NF1: variants seen among roughly 807,000 people sequenced by gnomAD.
NF1 encodes the protein neurofibromin 1.
In NF1, 122 loss-of-function variants were observed where a neutral mutation model predicts 325.7. That is an observed-to-expected ratio of 0.37 (90% CI 0.32 to 0.44). NF1 has a LOEUF of 0.44. Ranked by LOEUF, NF1 falls within the 20% of genes least tolerant of loss-of-function variation. The pLI is 1.00. For missense variants in NF1, 2,140 were observed against 3,415.4 expected (o/e 0.63, Z 9.31); for synonymous variants, 1,091 against 1,186.0 (o/e 0.92, Z 1.65).
intron 36 of NF1, among the ~76,000 whole-genome samples, chr17:31,316,980 A>G (rs567367085): frequency 1.3e-3 from 205 of 152,326 alleles, no homozygotes; most frequent in Non-Finnish European, 2.2e-3. Flanking sequence ...CAGTTGCATC[A>G]GAAGGAAGAC....
At position 31,235,629 on chromosome 17, in the gene NF1, C is replaced by T. The variant is rs750993436; in HGVS notation, c.3727C>T (p.Leu1243=). The change falls in exon 28 of 58, where the codon CTG becomes TTG. Residue 1243 remains leucine (L), a synonymous_variant. Coordinates refer to ENST00000358273, the MANE Select transcript of NF1 (RefSeq NM_001042492.3). ...CSQWDELARV[L]VTLFDSRHLL... is the part of the protein sequence containing the mutation. ...TTCTCAGGATGAACTAGCTCGAGTT[C>T]TGGTTACTCTGTTTGATTCTCGGCA... 1.3e-5 allele frequency: 21 copies of T among 1,614,066 alleles called. No individual in the cohort carries two copies. In the South Asian group the frequency reaches 2.2e-4, roughly 17 times the overall value.
At chr17:31,198,009 C>A (rs2905872) in intron 8 of NF1, among the ~76,000 whole-genome samples, 86,069 of 151,942 alleles carry the variant, frequency 0.57, 26,766 homozygotes, top group Middle Eastern at 0.77. Flanking sequence ...TTTATCATAA[C>A]AGGTGTTGAA....
At chr17:31,360,179 T>G (rs1403830104) in intron 56 of NF1, 9 of 397,746 alleles carry the variant, frequency 2.3e-5, no homozygotes, top group Non-Finnish European at 4.2e-5. Context: ...CTGCTCATTT[T>G]CTCTGTTTTG....
At position 31,356,896 on chromosome 17, in the gene NF1, T is replaced by A. The variant is rs956963335; in HGVS notation, c.7739-64T>A. On this transcript the variant is annotated intron_variant, in intron 52 of 57. Coordinates refer to ENST00000358273, the MANE Select transcript of NF1 (RefSeq NM_001042492.3). ...AGCTGTTGAATTTTAGAAGTAACAT[T>A]GAAATAGTTAGGTGAAGTGATTATC... The A allele has an allele frequency of 3.1e-6, 5 of 1,601,976 alleles. No homozygotes were observed. In the African/African-American group the frequency reaches 5.4e-5, roughly 17 times the overall value.
Position 31,259,052 on chromosome 17 carries a change from T to G in NF1, c.4353T>G (p.Asn1451Lys). The change falls in exon 33 of 58, where the codon AAT becomes AAG. Residue 1451 changes from asparagine (N) to lysine (K), a missense_variant. Physicochemically the swap from Asn to Lys is moderately conservative, Grantham distance 94. Transcript: ENST00000358273. ...LMSKILQSIA[N>K]HVLFTKEEHM... ...TGTAGATACTTCAGAGTATTGCCAA[T>G]CATGTTCTCTTCACAAAAGAAGAAC... The G allele has an allele frequency of 6.2e-7, 1 of 1,601,222 alleles. No homozygotes were observed. Among genetic ancestry groups the G allele is most frequent in the Non-Finnish European group, 8.5e-7 (1 of 1,172,156 alleles).
chr17:31,097,330 C>T (rs900610981), intron 1 of NF1, among the ~76,000 whole-genome samples: 1 of 151,750 alleles, frequency 6.6e-6, no homozygotes, highest in Non-Finnish European at 1.5e-5. Context: ...TGGTGGCGGG[C>T]GCCTGTAATC....
At chr17:31,098,634 A>G (rs1202710439) in intron 1 of NF1, among the ~76,000 whole-genome samples, 1 of 152,182 alleles carries the variant, frequency 6.6e-6, no homozygotes, top group African/African-American at 2.4e-5. Flanking sequence ...AGATAGTTGT[A>G]TAAGAATCTT....
At chr17:31,236,070 T>C in intron 29 of NF1, 49 bp downstream of exon 29, 12 of 1,390,014 alleles carry the variant, frequency 8.6e-6, no homozygotes, top group Non-Finnish European at 1.1e-5. Context: ...TTTTTTTTTT[T>C]GTTTGTTTGT....
At chr17:31,229,568 T>C (rs1331756100) in intron 21 of NF1, 103 bp downstream of exon 21, 1 of 1,414,876 alleles carries the variant, frequency 7.1e-7, no homozygotes, top group Admixed American at 1.9e-5. Flanking sequence ...TCACAGTTTT[T>C]AAAAATTTCC....
chr17:31,374,573 A>G lies in NF1; in HGVS notation c.*418A>G, dbSNP rs972913256. The G allele has an allele frequency of 3.8e-5, 12 of 317,412 alleles. No homozygotes were observed. Among genetic ancestry groups the G allele is most frequent in the African/African-American group, 2.1e-4 (10 of 47,070 alleles). The allele number at this position is 317,412 out of a possible 1,614,324, so 19.7% of individuals were successfully genotyped here. A position where few individuals can be genotyped will look rare whatever the true frequency, so the allele number is the denominator to read the frequency against. On this transcript the variant is annotated 3_prime_UTR_variant, in exon 58 of 58. Transcript: ENST00000358273. The stretch of plus-strand genomic sequence containing the variant: ...TCCTACAGAGTAAAGTGTTAGTCCT[A>G]TTTATACATTTTTCAAGATACAAGT...
At chr17:31,192,212 A>G (rs1426844615) in intron 8 of NF1, among the ~76,000 whole-genome samples, 2 of 152,206 alleles carry the variant, frequency 1.3e-5, no homozygotes, top group African/African-American at 4.8e-5. Context: ...ATATTTTAAG[A>G]GATTTATTCT....
At chr17:31,215,855 C>G (rs1471924394) in intron 13 of NF1, among the ~76,000 whole-genome samples, 1 of 152,172 alleles carries the variant, frequency 6.6e-6, no homozygotes, top group Non-Finnish European at 1.5e-5. Context: ...TTTGTAACTA[C>G]ATGCCTATGA....
At chr17:31,159,396 G>A (rs995091939) in intron 3 of NF1, among the ~76,000 whole-genome samples, 4 of 152,088 alleles carry the variant, frequency 2.6e-5, no homozygotes, top group African/African-American at 7.2e-5. Flanking sequence ...TTGATTTAAC[G>A]GATCTCTCAG....
At chr17:31,227,632 C>T (rs1203714525) in intron 20 of NF1, 26 bp downstream of exon 20, 1 of 1,579,870 alleles carries the variant, frequency 6.3e-7, no homozygotes, top group Non-Finnish European at 8.7e-7. Flanking sequence ...TGACTTTTGT[C>T]TGTTAACTGA....
intron 1 of NF1, among the ~76,000 whole-genome samples, chr17:31,146,216 G>A (rs1252556492): frequency 6.6e-6 from 1 of 152,090 alleles, no homozygotes; most frequent in Non-Finnish European, 1.5e-5. Context: ...CAGGCTCATT[G>A]GTTGTTGGCA....
At chr17:31,259,328 T>C (rs2067644405) in intron 33 of NF1, among the ~76,000 whole-genome samples, 199 bp downstream of exon 33, 1 of 152,164 alleles carries the variant, frequency 6.6e-6, no homozygotes, top group African/African-American at 2.4e-5. Context: ...TATAATTTGG[T>C]AGTGATTTTC....
intron 36 of NF1, among the ~76,000 whole-genome samples, chr17:31,307,158 A>G (rs1420758974): frequency 6.6e-6 from 1 of 152,008 alleles, no homozygotes; most frequent in African/African-American, 2.4e-5. Context: ...AGTAGCTGGG[A>G]TTACAGGTAC....
chr17:31,118,948 T>TC (rs1382605084), intron 1 of NF1, among the ~76,000 whole-genome samples: 1 of 151,502 alleles, frequency 6.6e-6, no homozygotes, highest in Non-Finnish European at 1.5e-5. Flanking sequence ...CTTTTTTTTT[T>TC]TTCTTGAGAT....
Position 31,139,375 on chromosome 17 carries a change from GACACACACACAC to G in NF1, c.61-16581_61-16570del, listed in dbSNP as rs58863782. Among the ~76,000 whole-genome samples the G allele has an allele frequency of 9.7e-5, 14 of 144,174 alleles. No homozygotes were observed. In the South Asian group the frequency reaches 2.0e-3, roughly 21 times the overall value. The allele number at this position is 144,174 out of a possible 152,430, so 94.6% of individuals were successfully genotyped here. The stretch of plus-strand genomic sequence containing the variant: ...TCTTAGATCTTAAATGTTTTACACA[GACACACACACAC>G]ACACACACACACACACACACACACA... On this transcript the variant is annotated intron_variant, in intron 1 of 57. Transcript: ENST00000358273.
Sources: gnomAD v4.1 joint callset for allele counts (sites outside exome capture counted in the v4.1 genomes callset) on GRCh38, gnomAD v4.1.1 for gene constraint, MANE v1.5 for transcripts, NCBI Gene and HGNC (gene_info 2026-07-23, HGNC 2026-07-21) for gene names.